LDB3: variants seen among roughly 807,000 people sequenced by gnomAD.
LDB3 encodes LIM domain-binding protein 3.
In LDB3, 49 loss-of-function variants were observed where a neutral mutation model predicts 69.0. The observed-to-expected ratio is 0.71, with a 90% CI of 0.56 to 0.90. The LOEUF (loss-of-function observed/expected upper bound fraction) is 0.90, where lower values mean the gene tolerates loss of function less well. Ranked by LOEUF, LDB3 falls within the 40% of genes least tolerant of loss-of-function variation. The pLI is 0.00. For synonymous variants in LDB3, 387 were observed against 396.2 expected (o/e 0.98, Z 0.28); for missense variants, 928 against 974.1 (o/e 0.95, Z 0.63).
intron 4 of LDB3, 119 bp downstream of exon 4, chr10:86,680,276 C>A: frequency 2.3e-6 from 2 of 869,252 alleles, no homozygotes; most frequent in Non-Finnish European, 1.9e-6. Flanking sequence ...ATCAGCCCTG[C>A]CCCATCCCTG....
chr10:86,727,818 T>G (rs1329932373), intron 13 of LDB3, among the ~76,000 whole-genome samples: 1 of 151,338 alleles, frequency 6.6e-6, no homozygotes, highest in Non-Finnish European at 1.5e-5. Flanking sequence ...TGTGTCTGTC[T>G]CTGTGTGGGT....
At chr10:86,668,180 C>T (rs1047460324), upstream of LDB3, among the ~76,000 whole-genome samples, 7 of 152,222 alleles carry the variant, frequency 4.6e-5, no homozygotes, top group African/African-American at 1.7e-4. Flanking sequence ...AGGGACCACA[C>T]GGCAGCAAAG....
At chr10:86,672,417 C>A (rs545168678) in intron 2 of LDB3, among the ~76,000 whole-genome samples, 1 of 152,354 alleles carries the variant, frequency 6.6e-6, no homozygotes, top group East Asian at 1.9e-4. Context: ...ATGCTGAGGA[C>A]AGAGGGTCTC....
In LDB3 at chr10:86,714,480, G is replaced by A. The variant is rs565217965; in HGVS notation, c.1232-1847G>A. ...GTAAAGAGGGAATAATGTGAAGACCGATTCAGATGACAGATGCTATGTGCC... is the reference window on the plus strand; with the variant it reads ...GTAAAGAGGGAATAATGTGAAGACCAATTCAGATGACAGATGCTATGTGCC... On this transcript the variant is annotated intron_variant, in intron 9 of 13. Transcript: ENST00000361373. Among the ~76,000 whole-genome samples the A allele has an allele frequency of 1.3e-4, 20 of 152,128 alleles. 1 individual carries two copies. Among genetic ancestry groups the A allele is most frequent in the African/African-American group, 2.9e-4 (12 of 41,484 alleles).
chr10:86,685,247 C>T (rs1037067848), intron 5 of LDB3, among the ~76,000 whole-genome samples: 25 of 152,206 alleles, frequency 1.6e-4, no homozygotes, highest in African/African-American at 4.6e-4. Context: ...ACTCTTAGTC[C>T]GGAGCTGCTG....
intron 13 of LDB3, among the ~76,000 whole-genome samples, chr10:86,728,518 C>A (rs1037990533): frequency 1.1e-4 from 16 of 152,002 alleles, no homozygotes; most frequent in African/African-American, 3.9e-4. Context: ...GTTAGGTCTC[C>A]CTCCAAACCA....
chr10:86,671,746 G>C (rs1327320867), intron 2 of LDB3, among the ~76,000 whole-genome samples: 2 of 152,202 alleles, frequency 1.3e-5, no homozygotes, highest in Admixed American at 1.3e-4. Context: ...GCTTTGTTAG[G>C]CTCTGCTGCT....
In LDB3 at chr10:86,678,912, T is replaced by C. The variant is rs144173243; in HGVS notation, c.94-455T>C. Among the ~76,000 whole-genome samples, 347 of 152,312 alleles carry C rather than the reference T, an allele frequency of 2.3e-3. 5 individuals carry two copies. In the South Asian group the frequency reaches 0.042, roughly 19 times the overall value. On this transcript the variant is annotated intron_variant, in intron 2 of 13. Transcript: ENST00000361373. ...ACCTCAGCCTCCCAAAGTGCTGGGA[T>C]TATAGGCATGAGCCACCATGTCCAA... is the stretch of plus-strand genomic sequence containing the variant.
intron 5 of LDB3, among the ~76,000 whole-genome samples, chr10:86,689,536 G>T (rs1329978610): frequency 1.3e-5 from 2 of 152,238 alleles, no homozygotes; most frequent in Non-Finnish European, 2.9e-5. Flanking sequence ...GGCCCAGGCT[G>T]GGGGTGCATA....
intron 10 of LDB3, among the ~76,000 whole-genome samples, chr10:86,717,404 T>A (rs1022398002): frequency 6.6e-6 from 1 of 152,168 alleles, no homozygotes; most frequent in Non-Finnish European, 1.5e-5. Context: ...TATAAAAAAA[T>A]GTCTTCATAG....
chr10:86,714,590 CTG>C (rs1334103290), intron 9 of LDB3, among the ~76,000 whole-genome samples: 3 of 135,542 alleles, frequency 2.2e-5, no homozygotes, highest in Non-Finnish European at 4.6e-5. Context: ...GAGTCTTGCT[CTG>C]TTGCCCAGGC....
At chr10:86,724,598 G>A (rs555649290) in intron 12 of LDB3, among the ~76,000 whole-genome samples, 147 of 149,850 alleles carry the variant, frequency 9.8e-4, no homozygotes, top group African/African-American at 3.4e-3. Context: ...GTGAGACTCC[G>A]TCGCAAAAAA....
At chr10:86,680,413 G>T (rs891083375) in intron 4 of LDB3, among the ~76,000 whole-genome samples, 3 of 152,250 alleles carry the variant, frequency 2.0e-5, no homozygotes, top group Non-Finnish European at 4.4e-5. Flanking sequence ...ATGCCTCGTG[G>T]CTGGGCTGAT....
intron 5 of LDB3, among the ~76,000 whole-genome samples, chr10:86,691,544 G>A (rs551262567): frequency 4.9e-4 from 75 of 152,264 alleles, no homozygotes; most frequent in Non-Finnish European, 8.7e-4. Context: ...CCAAACTCAC[G>A]GCCTGCTCAC....
Position 86,691,996 on chromosome 10 carries a change from G to A in LDB3, c.790G>A (p.Ala264Thr), listed in dbSNP as rs146414300. Reference sequence around the variant, plus strand: ...GCCAGAAGATGAGGCTGACGAGTGGGCACGCCGTTCCTCCAACCTGCAGTC... The same window carrying A: ...GCCAGAAGATGAGGCTGACGAGTGGACACGCCGTTCCTCCAACCTGCAGTC... Reference protein sequence around the residue: ...NKPEDEADEWARRSSNLQSRS... With the variant: ...NKPEDEADEWTRRSSNLQSRS... Residue 264 changes from alanine (A) to threonine (T), a missense_variant, in exon 6 of 14, where the codon GCA (alanine) becomes ACA (threonine). Transcript: ENST00000361373. 2 of 1,614,174 alleles carry A rather than the reference G, an allele frequency of 1.2e-6. No individual in the cohort carries two copies. Among genetic ancestry groups the A allele is most frequent in the African/African-American group, 1.3e-5 (1 of 75,058 alleles).
intron 8 of LDB3, 82 bp from the exon 9 acceptor site, chr10:86,709,823 G>A (rs1846571056): frequency 2.0e-6 from 3 of 1,508,086 alleles, no homozygotes; most frequent in Non-Finnish European, 2.7e-6. Context: ...GGCTTCTGAA[G>A]ACCTGGGAGC....
Position 86,681,731 on chromosome 10 carries a change from C to T in LDB3, c.617C>T (p.Thr206Ile), listed in dbSNP as rs121908337. 3.1e-6 allele frequency: 5 copies of T among 1,609,144 alleles called. No homozygotes were observed. The Admixed American group carries it at 8.4e-5, about 27-fold the overall frequency. ...CCCATTGGCCTGTACTCGGCAGAGACCCTGAGGGAGATGGCTCAGATGTAC... is the reference window on the plus strand; with the variant it reads ...CCCATTGGCCTGTACTCGGCAGAGATCCTGAGGGAGATGGCTCAGATGTAC... ...NNPIGLYSAE[T>I]LREMAQMYQM... The change falls in exon 5 of 14, where the codon ACC becomes ATC. Residue 206 changes from threonine to isoleucine, a missense_variant. Physicochemically the swap from Thr to Ile is moderately conservative, Grantham distance 89. Transcript: ENST00000361373.
At chr10:86,732,620 A>G (rs1171100760) in intron 13 of LDB3, 2 of 486,114 alleles carry the variant, frequency 4.1e-6, no homozygotes, top group Non-Finnish European at 4.0e-6. Context: ...TTCTGCCTCA[A>G]CCTCCCGAGT....
intron 5 of LDB3, 120 bp from the exon 6 acceptor site, chr10:86,691,776 G>A: frequency 8.5e-7 from 1 of 1,178,086 alleles, no homozygotes; most frequent in Non-Finnish European, 1.3e-6. Context: ...GACAGCAATG[G>A]ATAAAGGCAA....
Sources: allele counts gnomAD v4.1 joint callset (sites outside exome capture counted in the v4.1 genomes callset), GRCh38; gene constraint gnomAD v4.1.1; transcripts MANE v1.5; gene names NCBI Gene and HGNC (gene_info 2026-07-23, HGNC 2026-07-21).